Variants in F8 observed in about 807,000 individuals in gnomAD.
F8 encodes coagulation factor VIII, also known as antihemophilic factor.
In F8, 12 loss-of-function variants were observed where a neutral mutation model predicts 140.6. The ratio of observed to expected loss-of-function variants is 0.09; its 90% CI spans 0.05 to 0.14. The LOEUF is 0.14. Among genes scored for constraint, F8 ranks in the 10% least tolerant of loss-of-function variants. The pLI is 1.00. For missense variants in F8, 1,354 were observed against 1,720.7 expected (o/e 0.79, Z 3.77); for synonymous variants, 585 against 614.6 (o/e 0.95, Z 0.71).
At chrX:154,999,943 T>C (rs1333780076) in intron 1 of F8, among the ~76,000 whole-genome samples, 1 of 112,109 alleles carries the variant, frequency 8.9e-6, no homozygotes, top group Non-Finnish European at 1.9e-5. Flanking sequence ...TACCTAAAAT[T>C]ATACTTCCCT....
chrX:154,867,522 C>T (rs1172612071), intron 22 of F8, among the ~76,000 whole-genome samples: 1 of 108,178 alleles, frequency 9.2e-6, no homozygotes, highest in Non-Finnish European at 1.9e-5. Context: ...CTCATCTCTA[C>T]TAAAAAAATA....
chrX:154,944,251 A>C (rs2073288813), intron 13 of F8, among the ~76,000 whole-genome samples: 1 of 109,152 alleles, frequency 9.2e-6, no homozygotes, highest in Admixed American at 9.8e-5. Context: ...AATGGGAGAA[A>C]ATTTTCGCAA....
Position 154,969,493 on chromosome X carries a change from G to T in F8, c.847C>A (p.Pro283Thr). 8.3e-7 allele frequency: 1 copy of T among 1,211,492 alleles called. No homozygotes were observed. Among genetic ancestry groups the T allele is most frequent in the Non-Finnish European group, 1.1e-6 (1 of 895,326 alleles). The change falls in exon 7 of 26, where the codon CCT becomes ACT. Residue 283 changes from proline (P) to threonine (T), a missense_variant. By Grantham distance (38) the Pro-to-Thr change is conservative. Coordinates refer to ENST00000360256, the MANE Select transcript of F8 (RefSeq NM_000132.4). ...YWHVIGMGTTPEVHSIFLEGH... is the reference protein window; with the variant it reads ...YWHVIGMGTTTEVHSIFLEGH... ...TCGAGGAATATTGAGTGCACTTCAG[G>T]AGTGGTGCCCATTCCAATCACATGC... is the stretch of plus-strand genomic sequence containing the variant.
Position 154,898,446 on chromosome X carries a change from T to A in F8, c.6273+1420A>T, listed in dbSNP as rs28370242. ...ACCACAAGTGAACAGTGACAGTTAATAGATGGTTATCAACTTAAAGGGAGC... is the reference window on the plus strand; with the variant it reads ...ACCACAAGTGAACAGTGACAGTTAAAAGATGGTTATCAACTTAAAGGGAGC... On this transcript the variant is annotated intron_variant, in intron 21 of 25. Coordinates refer to ENST00000360256, the MANE Select transcript of F8 (RefSeq NM_000132.4). Among the ~76,000 whole-genome samples, 418 of 112,284 alleles carry A rather than the reference T, an allele frequency of 3.7e-3. 6 individuals carry two copies. Among genetic ancestry groups the A allele is most frequent in the Middle Eastern group, 0.032 (7 of 217 alleles).
rs782362330 is a variant in F8 at position 154,993,119 on chromosome X, T to G, written c.418A>C (p.Arg140=). 8.3e-7 allele frequency: 1 copy of G among 1,211,311 alleles called. No individual in the cohort carries two copies. The highest frequency in any genetic ancestry group is 2.2e-5 in the Admixed American group (1 of 46,094). ...AAGACTTTATCATCTTCTTTCTCCC[T>G]TTGACTGGTCTGATCATCATATTCA... ...GAEYDDQTSQ[R]EKEDDKVFPG... The change falls in exon 4 of 26, where the codon AGG becomes CGG. Residue 140 remains arginine (R), a synonymous_variant. Coordinates refer to ENST00000360256, the MANE Select transcript of F8 (RefSeq NM_000132.4).
At chrX:154,849,845 T>G (rs1407683842) in intron 25 of F8, among the ~76,000 whole-genome samples, 2 of 111,107 alleles carry the variant, frequency 1.8e-5, no homozygotes, top group African/African-American at 6.5e-5. Context: ...TATTACTTAC[T>G]GGCTATCCTA....
intron 23 of F8, among the ~76,000 whole-genome samples, chrX:154,862,188 G>C (rs188068678): frequency 9.7e-4 from 106 of 109,841 alleles, no homozygotes; most frequent in African/African-American, 3.4e-3. Flanking sequence ...CACCACACCC[G>C]GCTAATTTTT....
intron 10 of F8, among the ~76,000 whole-genome samples, chrX:154,960,067 T>G (rs782542038): frequency 2.7e-5 from 3 of 111,879 alleles, no homozygotes; most frequent in South Asian, 7.3e-4. Flanking sequence ...GTTTTTAATA[T>G]CCTTAATTTA....
At chrX:154,995,347 G>A (rs2073610889) in intron 3 of F8, among the ~76,000 whole-genome samples, 1 of 111,907 alleles carries the variant, frequency 8.9e-6, no homozygotes, top group South Asian at 3.7e-4. Flanking sequence ...GCAGTAGAAT[G>A]GCTAGGCAAT....
chrX:154,990,308 A>C (rs782089142), intron 4 of F8, among the ~76,000 whole-genome samples: 1 of 111,267 alleles, frequency 9.0e-6, no homozygotes, highest in Non-Finnish European at 1.9e-5. Context: ...ATACCATTGT[A>C]ATTAGTTTAT....
At chrX:154,842,500 A>G (rs1410077837) in intron 25 of F8, among the ~76,000 whole-genome samples, 3 of 111,944 alleles carry the variant, frequency 2.7e-5, no homozygotes, top group Non-Finnish European at 5.6e-5. Context: ...ATATTGCTTT[A>G]GCTGATTCCC....
At chrX:155,015,843 CAA>C (rs1569560093) in intron 1 of F8, among the ~76,000 whole-genome samples, 1 of 112,280 alleles carries the variant, frequency 8.9e-6, no homozygotes, top group Non-Finnish European at 1.9e-5. Context: ...CGTTTAAAAA[CAA>C]AGGACCAATG....
intron 1 of F8, among the ~76,000 whole-genome samples, chrX:155,011,383 T>C (rs1323579344): frequency 8.9e-6 from 1 of 112,334 alleles, no homozygotes; most frequent in Non-Finnish European, 1.9e-5. Context: ...AGGATGAGTA[T>C]AATTAAAAAG....
chrX:154,918,700 C>T (rs1557277304), intron 14 of F8: 1 of 106,414 alleles, frequency 9.4e-6, no homozygotes, highest in East Asian at 2.9e-4. Flanking sequence ...ATAAGCTAGA[C>T]ACTGAATAGT....
At chrX:155,013,468 A>AACGT (rs1385113819) in intron 1 of F8, among the ~76,000 whole-genome samples, 3 of 111,572 alleles carry the variant, frequency 2.7e-5, no homozygotes, top group Admixed American at 1.9e-4. Flanking sequence ...AGCCATGTGG[A>AACGT]ACTGTGAGTC....
chrX:154,953,870 A>G (rs2073349961), intron 12 of F8, 22 bp downstream of exon 12: 2 of 1,209,198 alleles, frequency 1.7e-6, no homozygotes, highest in South Asian at 3.5e-5. Context: ...CACCCACTGG[A>G]CTTAAGTGCT....
At chrX:154,997,255 G>C (rs1309577815) in intron 2 of F8, among the ~76,000 whole-genome samples, 160 bp from the exon 3 acceptor site, 1 of 112,231 alleles carries the variant, frequency 8.9e-6, no homozygotes, top group Non-Finnish European at 1.9e-5. Flanking sequence ...CTAACCTTAT[G>C]GTTGCTCTGA....
At chrX:154,972,703 C>CTTTT (rs1557282690) in intron 6 of F8, among the ~76,000 whole-genome samples, 9 of 64,688 alleles carry the variant, frequency 1.4e-4, no homozygotes, top group African/African-American at 4.8e-4. Flanking sequence ...TTCTTTCTGT[C>CTTTT]TTTCTTTTTT....
At chrX:154,924,653 T>C (rs1413280157) in intron 14 of F8, among the ~76,000 whole-genome samples, 3 of 112,345 alleles carry the variant, frequency 2.7e-5, no homozygotes, top group Non-Finnish European at 5.6e-5. Flanking sequence ...CCTTCTGCAC[T>C]GCCCTAGCAG....
Sources: gnomAD v4.1 joint callset for allele counts (sites outside exome capture counted in the v4.1 genomes callset) on GRCh38, gnomAD v4.1.1 for gene constraint, MANE v1.5 for transcripts, NCBI Gene and HGNC (gene_info 2026-07-23, HGNC 2026-07-21) for gene names.